PITPNC1: variants seen among roughly 807,000 people sequenced by gnomAD.
PITPNC1 encodes cytoplasmic phosphatidylinositol transfer protein 1.
PITPNC1 carries 18 observed loss-of-function variants against 44.7 expected under a neutral mutation model. The ratio of observed to expected loss-of-function variants is 0.40; its 90% CI spans 0.28 to 0.60. PITPNC1 has a LOEUF of 0.60. Ranked by LOEUF, PITPNC1 falls within the 20% of genes least tolerant of loss-of-function variation. The pLI, the probability that PITPNC1 is intolerant of heterozygous loss-of-function variation, is 0.39. For synonymous variants in PITPNC1, 141 were observed against 149.6 expected, an observed-to-expected ratio of 0.94 and a Z score of 0.42; for missense variants, 290 against 418.4, an observed-to-expected ratio of 0.69 and a Z score of 2.68.
At chr17:67,654,849 G>A (rs1598938182) in intron 6 of PITPNC1, among the ~76,000 whole-genome samples, 2 of 152,126 alleles carry the variant, frequency 1.3e-5, no homozygotes, top group South Asian at 4.2e-4. Context: ...TGGCCAGGCT[G>A]GTCTCAAACT....
At chr17:67,388,435 C>T (rs1033439432) in intron 1 of PITPNC1, among the ~76,000 whole-genome samples, 1 of 151,128 alleles carries the variant, frequency 6.6e-6, no homozygotes. Context: ...GATTCTCCTG[C>T]CTCAGCCTCC....
At chr17:67,550,840 T>A (rs1464998533) in intron 2 of PITPNC1, among the ~76,000 whole-genome samples, 1 of 152,086 alleles carries the variant, frequency 6.6e-6, no homozygotes, top group Non-Finnish European at 1.5e-5. Flanking sequence ...GGCGGGTGGA[T>A]CATGAGGTCA....
intron 6 of PITPNC1, among the ~76,000 whole-genome samples, chr17:67,661,549 G>C (rs188713971): frequency 6.5e-4 from 99 of 152,280 alleles, no homozygotes; most frequent in Non-Finnish European, 1.1e-3. Flanking sequence ...TTCAGTGTAG[G>C]GTTGCGTCTG....
Position 67,667,490 on chromosome 17 carries a change from C to CAAAA in PITPNC1, c.463-2003_463-2000dup, listed in dbSNP as rs71139168. ...GCCGCAGTGAGCCATGATCCTTTCT[C>CAAAA]AAAAAAAAAAAAAAAAAAGTACTGA... On this transcript the variant is annotated intron_variant, in intron 6 of 8. Coordinates refer to ENST00000581322, the MANE Select transcript of PITPNC1 (RefSeq NM_012417.4). 0.013 allele frequency among the ~76,000 whole-genome samples: 1,383 copies of CAAAA among 107,618 alleles called. 113 individuals are homozygous for CAAAA. The East Asian group carries it at 0.19, about 15-fold the overall frequency. 70.6% of individuals were successfully genotyped at this position (107,618 alleles called of 152,430 possible). A position where few individuals can be genotyped will look rare whatever the true frequency, so the allele number is the denominator to read the frequency against.
chr17:67,654,698 T>A (rs1026665368), intron 6 of PITPNC1, among the ~76,000 whole-genome samples: 1 of 152,188 alleles, frequency 6.6e-6, no homozygotes, highest in Non-Finnish European at 1.5e-5. Context: ...AGTGGTGCAA[T>A]CTTGGCTCAC....
chr17:67,464,372 G>C (rs2039392443), intron 1 of PITPNC1, among the ~76,000 whole-genome samples: 1 of 152,230 alleles, frequency 6.6e-6, no homozygotes, highest in Non-Finnish European at 1.5e-5. Flanking sequence ...TAGGCTGATG[G>C]CTTTCTCAGA....
chr17:67,392,919 A>AAAACATGGTCAGGAGTTGGC (rs1448485384), intron 1 of PITPNC1, among the ~76,000 whole-genome samples: 3 of 152,094 alleles, frequency 2.0e-5, no homozygotes, highest in African/African-American at 7.2e-5. Flanking sequence ...CAGGAGTTGG[A>AAAACATGGTCAGGAGTTGGC]AACCATGGTC....
At chr17:67,560,819 G>A (rs1333750483) in intron 4 of PITPNC1, among the ~76,000 whole-genome samples, 1 of 152,174 alleles carries the variant, frequency 6.6e-6, no homozygotes, top group Non-Finnish European at 1.5e-5. Context: ...TGGCTCTACT[G>A]TAACAAAACA....
intron 2 of PITPNC1, among the ~76,000 whole-genome samples, chr17:67,546,301 A>G (rs920872467): frequency 3.6e-4 from 53 of 148,342 alleles, no homozygotes; most frequent in South Asian, 2.1e-3. Context: ...ATATGTATAT[A>G]TATATATATA....
At position 67,436,129 on chromosome 17, in the gene PITPNC1, A is replaced by G. The variant is rs188799644; in HGVS notation, c.48+57927A>G. 4.2e-3 allele frequency among the ~76,000 whole-genome samples: 627 copies of G among 150,520 alleles called. 13 individuals are homozygous for G. The highest frequency in any genetic ancestry group is 0.015 in the African/African-American group (586 of 40,030). On this transcript the variant is annotated intron_variant, in intron 1 of 8. Transcript: ENST00000581322. ...TGCTTCAGCCTCCCAAGTAGCTGGG[A>G]CTACAGATGTGTGCCACCACACCCA...
chr17:67,523,463 A>G (rs368847673), intron 1 of PITPNC1, among the ~76,000 whole-genome samples: 1 of 150,214 alleles, frequency 6.7e-6, no homozygotes, highest in African/African-American at 2.5e-5. Context: ...CAGGTTTATT[A>G]TACAATTTAT....
At chr17:67,383,577 C>T (rs867417110) in intron 1 of PITPNC1, among the ~76,000 whole-genome samples, 1 of 152,180 alleles carries the variant, frequency 6.6e-6, no homozygotes, top group Admixed American at 6.6e-5. Context: ...AGTGAGCGAC[C>T]TGCTCACCAA....
intron 1 of PITPNC1, among the ~76,000 whole-genome samples, chr17:67,487,280 T>A (rs1046073293): frequency 3.3e-5 from 5 of 152,050 alleles, no homozygotes; most frequent in African/African-American, 1.2e-4. Context: ...GTTCAAGCAA[T>A]TCTCTTGCCA....
At chr17:67,540,069 CATTTTATTTT>C (rs60946208) in intron 2 of PITPNC1, among the ~76,000 whole-genome samples, 34,901 of 144,142 alleles carry the variant, frequency 0.24, 4,562 homozygotes, top group African/African-American at 0.35. Flanking sequence ...GTATCTACTA[CATTTTATTTT>C]ATTTTATTTT....
At chr17:67,577,746 A>G (rs2041169339) in intron 4 of PITPNC1, among the ~76,000 whole-genome samples, 2 of 152,152 alleles carry the variant, frequency 1.3e-5, no homozygotes. Flanking sequence ...ATGACTTTAA[A>G]GTTCTACTAT....
chr17:67,441,576 A>G (rs2039013551), intron 1 of PITPNC1, among the ~76,000 whole-genome samples: 2 of 152,220 alleles, frequency 1.3e-5, no homozygotes, highest in Non-Finnish European at 1.5e-5. Flanking sequence ...AGGCGGATGG[A>G]AACAACACTT....
intron 1 of PITPNC1, among the ~76,000 whole-genome samples, chr17:67,467,913 GT>G (rs1212530322): frequency 1.3e-5 from 2 of 152,236 alleles, no homozygotes; most frequent in Non-Finnish European, 2.9e-5. Context: ...TCAGAATTGA[GT>G]TGGAGACTTA....
intron 1 of PITPNC1, among the ~76,000 whole-genome samples, chr17:67,455,506 C>T (rs778554342): frequency 2.6e-5 from 4 of 152,076 alleles, no homozygotes; most frequent in Non-Finnish European, 5.9e-5. Context: ...CTGCAACTTC[C>T]GACTCCTGGG....
At chr17:67,380,231 C>A (rs1320025005) in intron 1 of PITPNC1, among the ~76,000 whole-genome samples, 2 of 152,066 alleles carry the variant, frequency 1.3e-5, no homozygotes, top group Non-Finnish European at 2.9e-5. Flanking sequence ...CCTGCCACCA[C>A]GTCTGGCTAA....
Sources: gnomAD v4.1 joint callset for allele counts (sites outside exome capture counted in the v4.1 genomes callset) on GRCh38, gnomAD v4.1.1 for gene constraint, MANE v1.5 for transcripts, NCBI Gene and HGNC (gene_info 2026-07-23, HGNC 2026-07-21) for gene names.